The following PREX1 variants were observed in gnomAD, a reference collection of about 807,000 sequenced individuals.
The protein encoded by PREX1 is phosphatidylinositol 3,4,5-trisphosphate-dependent Rac exchanger 1 protein.
PREX1 carries 41 observed loss-of-function variants against 198.3 expected under a neutral mutation model. That is an observed-to-expected ratio of 0.21 (90% CI 0.16 to 0.27). PREX1 has a LOEUF of 0.27. Ranked by LOEUF, PREX1 falls within the 10% of genes least tolerant of loss-of-function variation. The pLI, the probability that PREX1 is intolerant of heterozygous loss-of-function variation, is 1.00. For missense variants in PREX1, 1,620 were observed against 2,200.7 expected, an observed-to-expected ratio of 0.74 and a Z score of 5.28; for synonymous variants, 843 against 887.2, an observed-to-expected ratio of 0.95 and a Z score of 0.89.
rs2090170915 is a variant in PREX1 at position 48,627,977 on chromosome 20, G to A, written c.4767-14C>T. 1 of 1,597,114 alleles carries A rather than the reference G, an allele frequency of 6.3e-7. No individual in the cohort carries two copies. ...CTCAGGGTGCTCCTGCAGCAGGGGAGGGAGGACAGCGGGTTGGCGGTGGGG... is the reference window on the plus strand; with the variant it reads ...CTCAGGGTGCTCCTGCAGCAGGGGAAGGAGGACAGCGGGTTGGCGGTGGGG... On this transcript the variant is annotated splice_polypyrimidine_tract_variant and intron_variant, in intron 37 of 39. Transcript: ENST00000371941.
chr20:48,744,033 T>TGA (rs373615210), intron 3 of PREX1, among the ~76,000 whole-genome samples: 8,618 of 140,722 alleles, frequency 0.061, 271 homozygotes, highest in South Asian at 0.13. Flanking sequence ...ATGATGATGA[T>TGA]GAGTTAACAG....
intron 6 of PREX1, among the ~76,000 whole-genome samples, chr20:48,702,157 G>T: frequency 6.7e-6 from 1 of 150,170 alleles, no homozygotes; most frequent in East Asian, 2.0e-4. Flanking sequence ...GCAGTGAGCT[G>T]AGATAACGCC....
chr20:48,647,936 C>T (rs138620541), intron 25 of PREX1, among the ~76,000 whole-genome samples: 2 of 152,286 alleles, frequency 1.3e-5, no homozygotes, highest in Non-Finnish European at 2.9e-5. Context: ...GACAGGGTCT[C>T]GTTCTTTCAC....
Position 48,642,215 on chromosome 20 carries a change from C to A in PREX1, c.3728G>T (p.Arg1243Leu). ...NALLKGPVMS[R>L]AFEETKHFPM... ...GAAATGCTTGGTCTCTTCGAAAGCCCGGCTCATGACTGGCCCCTTGAGGAG... is the reference window on the plus strand; with the variant it reads ...GAAATGCTTGGTCTCTTCGAAAGCCAGGCTCATGACTGGCCCCTTGAGGAG... The change falls in exon 29 of 40, where the codon CGG becomes CTG. Residue 1243 changes from arginine to leucine, a missense_variant. Arg to Leu is a moderately radical substitution (Grantham distance 102). Coordinates refer to ENST00000371941, the MANE Select transcript of PREX1 (RefSeq NM_020820.4). 1 of 1,614,212 alleles carries A rather than the reference C, an allele frequency of 6.2e-7. No homozygotes were observed. The highest frequency in any genetic ancestry group is 8.5e-7 in the Non-Finnish European group (1 of 1,180,028).
intron 4 of PREX1, among the ~76,000 whole-genome samples, chr20:48,733,705 C>CTGTTGCTGTTGTTGT (rs1555839221): frequency 3.3e-5 from 5 of 151,086 alleles, no homozygotes; most frequent in South Asian, 4.2e-4. Flanking sequence ...GTTGTTGTTG[C>CTGTTGCTGTTGTTGT]TGTTGTTGTT....
intron 5 of PREX1, among the ~76,000 whole-genome samples, chr20:48,711,701 A>G (rs1160962280): frequency 6.6e-6 from 1 of 152,176 alleles, no homozygotes; most frequent in Non-Finnish European, 1.5e-5. Context: ...TAAACTATTT[A>G]CTATCTGATC....
chr20:48,687,354 A>C (rs1450075669), intron 10 of PREX1, among the ~76,000 whole-genome samples: 2 of 152,148 alleles, frequency 1.3e-5, no homozygotes, highest in Non-Finnish European at 2.9e-5. Flanking sequence ...TCTCCTTCTC[A>C]AAGGAGCAAC....
intron 1 of PREX1, among the ~76,000 whole-genome samples, chr20:48,776,336 T>C (rs773789804): frequency 7.2e-5 from 11 of 152,116 alleles, no homozygotes; most frequent in Non-Finnish European, 1.5e-4. Context: ...ATGTCCCCCA[T>C]GGACCCCGCC....
Position 48,827,791 on chromosome 20 carries a change from C to G in PREX1, c.70G>C (p.Ala24Pro). Residue 24 changes from alanine to proline, a missense_variant, in exon 1 of 40, where the codon GCC becomes CCC. Transcript: ENST00000371941. The surrounding 1 kb of genome is among the most constrained non-coding windows in gnomAD (Gnocchi z 4.1). ...GAGCTGGGCGCCGCGGCGCCAGGGG[C>G]CCGGGGGTCCGGGTGGGCGCAGTCC... The part of the protein sequence containing the change: ...AGDCAHPDPR[A>P]PGAAAPSSGP... The G allele has an allele frequency of 9.0e-7, 1 of 1,105,260 alleles. No homozygotes were observed. Among genetic ancestry groups the G allele is most frequent in the Non-Finnish European group, 1.1e-6 (1 of 900,024 alleles). The allele number at this position is 1,105,260 out of a possible 1,614,324, so 68.5% of individuals were successfully genotyped here. A position where few individuals can be genotyped will look rare whatever the true frequency, so the allele number is the denominator to read the frequency against.
intron 16 of PREX1, 56 bp downstream of exon 16, chr20:48,659,863 C>A: frequency 6.2e-7 from 1 of 1,610,312 alleles, no homozygotes; most frequent in Non-Finnish European, 8.5e-7. Context: ...CGCCCAGCTC[C>A]CATGCCTGCA....
chr20:48,833,686 T>C, the PREX1 span, among the ~76,000 whole-genome samples: 47,398 of 151,860 alleles, frequency 0.31, 7,582 homozygotes, highest in Non-Finnish European at 0.33. Context: ...AGGTGATCCA[T>C]CCGCCTCGAC....
chr20:48,640,848 T>C (rs2122856994), intron 29 of PREX1, among the ~76,000 whole-genome samples: 1 of 111,552 alleles, frequency 9.0e-6, no homozygotes, highest in Admixed American at 1.2e-4. Context: ...AGAAGATGGA[T>C]GGATGGATGG....
At chr20:48,823,714 A>T (rs1466520140) in intron 1 of PREX1, among the ~76,000 whole-genome samples, 5 of 152,210 alleles carry the variant, frequency 3.3e-5, no homozygotes, top group Non-Finnish European at 5.9e-5. Flanking sequence ...GGCGGAGGTG[A>T]AACATCACAC....
chr20:48,783,170 A>G (rs192797600), intron 1 of PREX1, among the ~76,000 whole-genome samples: 1 of 152,306 alleles, frequency 6.6e-6, no homozygotes, highest in African/African-American at 2.4e-5. Context: ...AGACTAAAGA[A>G]AATACCATTT....
chr20:48,824,851 G>T (rs2090501802), intron 1 of PREX1, among the ~76,000 whole-genome samples: 1 of 152,006 alleles, frequency 6.6e-6, no homozygotes, highest in Admixed American at 6.6e-5. Flanking sequence ...TATCACGGGG[G>T]TTACTTTCCA....
intron 1 of PREX1, among the ~76,000 whole-genome samples, chr20:48,791,280 G>T (rs377005042): frequency 6.6e-6 from 1 of 152,202 alleles, no homozygotes; most frequent in East Asian, 1.9e-4. Context: ...GTGTCTGCAC[G>T]TCTGTGCATT....
intron 33 of PREX1, 71 bp downstream of exon 33, chr20:48,634,605 G>A (rs921307612): frequency 2.0e-6 from 3 of 1,485,538 alleles, no homozygotes; most frequent in Non-Finnish European, 2.8e-6. Flanking sequence ...AGGACAGGGT[G>A]ACCCCAGAGA....
intron 7 of PREX1, among the ~76,000 whole-genome samples, chr20:48,695,164 A>G (rs1601081788): frequency 6.6e-6 from 1 of 152,120 alleles, no homozygotes; most frequent in East Asian, 1.9e-4. Flanking sequence ...CTTTCCCATC[A>G]CTGCCCTCTT....
intron 1 of PREX1, among the ~76,000 whole-genome samples, chr20:48,773,569 G>A (rs1340056735): frequency 1.3e-5 from 2 of 152,196 alleles, no homozygotes; most frequent in African/African-American, 4.8e-5. Flanking sequence ...GGGGACATGT[G>A]GCTATCTAGG....
Sources: allele counts gnomAD v4.1 joint callset (sites outside exome capture counted in the v4.1 genomes callset), GRCh38; gene constraint gnomAD v4.1.1; non-coding constraint Gnocchi (gnomAD v3.1); transcripts MANE v1.5; gene names NCBI Gene and HGNC (gene_info 2026-07-23, HGNC 2026-07-21).